Variants in PARD3B observed in about 807,000 individuals in gnomAD.
PARD3B encodes par-3 family cell polarity regulator beta, also known as partitioning defective 3 homolog B.
Under a neutral mutation model 130.2 loss-of-function variants are expected in PARD3B, and 103 were observed. That is an observed-to-expected ratio of 0.79 (90% CI 0.67 to 0.93). The LOEUF (loss-of-function observed/expected upper bound fraction) is 0.93. Ranked by LOEUF, PARD3B falls within the 40% of genes least tolerant of loss-of-function variation. PARD3B has a pLI of 0.00. For synonymous variants in PARD3B, 583 were observed against 553.2 expected (o/e 1.05, Z -0.76); for missense variants, 1,609 against 1,499.2 (o/e 1.07, Z -1.21).
At chr2:204,748,525 T>A (rs1327502020) in intron 2 of PARD3B, among the ~76,000 whole-genome samples, 1 of 152,160 alleles carries the variant, frequency 6.6e-6, no homozygotes, top group Non-Finnish European at 1.5e-5. Context: ...TATTTTTATG[T>A]CTTTTGACTA....
chr2:204,860,960 TAG>T (rs1289365475), intron 2 of PARD3B, among the ~76,000 whole-genome samples: 1 of 152,182 alleles, frequency 6.6e-6, no homozygotes, highest in African/African-American at 2.4e-5. Flanking sequence ...CACAAAAATG[TAG>T]AGTTTTCCCT....
At chr2:205,567,516 G>T (rs1414301798) in intron 22 of PARD3B, among the ~76,000 whole-genome samples, 2 of 143,148 alleles carry the variant, frequency 1.4e-5, no homozygotes, top group African/African-American at 2.6e-5. Context: ...TGGAGACAGG[G>T]TTTCACCATG....
intron 1 of PARD3B, among the ~76,000 whole-genome samples, chr2:204,575,307 A>G (rs766129672): frequency 1.7e-4 from 26 of 152,220 alleles, no homozygotes; most frequent in Non-Finnish European, 3.4e-4. Context: ...GTTGGAGTGA[A>G]CCTTTAAAAT....
Position 205,407,805 on chromosome 2 carries a change from A to C in PARD3B, c.2741+6682A>C, listed in dbSNP as rs2046460184. ...TTCAGTAAATGAAGTTTTCTCCTAAAATTGAAAAAAAAATTTTAATAACAT... is the reference window on the plus strand; with the variant it reads ...TTCAGTAAATGAAGTTTTCTCCTAACATTGAAAAAAAAATTTTAATAACAT... On this transcript the variant is annotated intron_variant, in intron 19 of 22. Coordinates refer to ENST00000406610, the MANE Select transcript of PARD3B (RefSeq NM_001302769.2). The surrounding 1 kb of genome is among the most constrained non-coding windows in gnomAD (Gnocchi z 4.1). Among the ~76,000 whole-genome samples the C allele has an allele frequency of 6.6e-6, 1 of 152,120 alleles. No individual in the cohort carries two copies. The highest frequency in any genetic ancestry group is 6.6e-5 in the Admixed American group (1 of 15,260).
chr2:204,598,550 T>C (rs1473838803), intron 1 of PARD3B, among the ~76,000 whole-genome samples: 1 of 152,090 alleles, frequency 6.6e-6, no homozygotes, highest in African/African-American at 2.4e-5. Context: ...GGGGATTAAA[T>C]GAATTAATAT....
intron 20 of PARD3B, among the ~76,000 whole-genome samples, chr2:205,493,705 T>C (rs1331950819): frequency 6.6e-6 from 1 of 150,422 alleles, no homozygotes; most frequent in Non-Finnish European, 1.5e-5. Context: ...ATAAAAGCCA[T>C]TTCTTTTCAT....
chr2:205,303,456 G>A (rs763868146), intron 18 of PARD3B, among the ~76,000 whole-genome samples: 1 of 152,100 alleles, frequency 6.6e-6, no homozygotes, highest in Non-Finnish European at 1.5e-5. Flanking sequence ...TACCCCGGCT[G>A]GTAGACTTCT....
intron 2 of PARD3B, among the ~76,000 whole-genome samples, chr2:204,858,228 T>C (rs796561315): frequency 2.0e-5 from 3 of 152,242 alleles, no homozygotes; most frequent in African/African-American, 7.2e-5. Context: ...TGGTAAAATA[T>C]CTTTAAAGTT....
At position 205,278,401 on chromosome 2, in the gene PARD3B, TG is replaced by T. The variant is rs574308995; in HGVS notation, c.2186-22122del. On this transcript the variant is annotated intron_variant, in intron 16 of 22. Transcript: ENST00000406610. ...GAGAGAACTGGACGACTGATAGGCT[TG>T]GGGGGGAGAGGGGTCCCTCATACAT... 1.7e-3 allele frequency among the ~76,000 whole-genome samples: 255 copies of T among 152,056 alleles called. 2 individuals carry two copies. The highest frequency in any genetic ancestry group is 5.7e-3 in the African/African-American group (236 of 41,462).
chr2:205,227,609 T>C (rs1480127956), intron 15 of PARD3B, among the ~76,000 whole-genome samples: 1 of 152,126 alleles, frequency 6.6e-6, no homozygotes, highest in Non-Finnish European at 1.5e-5. Flanking sequence ...CAACAGATTA[T>C]TGCATCTTTT....
chr2:204,714,772 C>A (rs371040035), intron 2 of PARD3B, among the ~76,000 whole-genome samples: 3 of 152,164 alleles, frequency 2.0e-5, no homozygotes, highest in African/African-American at 4.8e-5. Flanking sequence ...TACAAACACA[C>A]CCAGAATGAA....
intron 2 of PARD3B, among the ~76,000 whole-genome samples, chr2:204,827,063 T>C (rs987401174): frequency 1.3e-5 from 2 of 152,216 alleles, no homozygotes; most frequent in African/African-American, 4.8e-5. Flanking sequence ...GTTCTTGTTC[T>C]ACAATGTGAA....
At chr2:204,858,529 TA>T (rs2045051094) in intron 2 of PARD3B, among the ~76,000 whole-genome samples, 1 of 148,278 alleles carries the variant, frequency 6.7e-6, no homozygotes, top group Non-Finnish European at 1.5e-5. Flanking sequence ...AAATGAAATA[TA>T]TAGAGAGGAT....
chr2:204,843,846 A>G (rs1045719682), intron 2 of PARD3B, among the ~76,000 whole-genome samples: 1 of 152,058 alleles, frequency 6.6e-6, no homozygotes, highest in African/African-American at 2.4e-5. Context: ...TCATTCATAC[A>G]TGTTATTCAG....
chr2:205,279,138 T>G (rs1375008266), intron 16 of PARD3B, among the ~76,000 whole-genome samples: 1 of 148,490 alleles, frequency 6.7e-6, no homozygotes, highest in Non-Finnish European at 1.5e-5. Context: ...TATACTAAAT[T>G]TTCCCCCCAA....
rs1256104428 is a variant in PARD3B, at chr2:205,265,315, A to C, written c.2185+19493A>C. Among the ~76,000 whole-genome samples the C allele has an allele frequency of 6.6e-6, 1 of 152,052 alleles. No homozygotes were observed. Among genetic ancestry groups the C allele is most frequent in the East Asian group, 1.9e-4 (1 of 5,194 alleles). ...TTGGGGTGATACATGGAATCGATGC[A>C]CTTTCAAGTTGGCGGATCTGATCAT... On this transcript the variant is annotated intron_variant, in intron 16 of 22. Transcript: ENST00000406610. The surrounding 1 kb of genome is among the most constrained non-coding windows in gnomAD (Gnocchi z 4.3).
At chr2:205,371,530 A>T (rs537397985) in intron 18 of PARD3B, among the ~76,000 whole-genome samples, 1 of 152,302 alleles carries the variant, frequency 6.6e-6, no homozygotes, top group Admixed American at 6.5e-5. Context: ...GAGGCTGTAG[A>T]GTTTTCTGAT....
intron 2 of PARD3B, among the ~76,000 whole-genome samples, chr2:204,787,808 A>G (rs1198835910): frequency 6.6e-6 from 1 of 152,198 alleles, no homozygotes; most frequent in African/African-American, 2.4e-5. Context: ...AGGGTTGAAT[A>G]TATGGACAGT....
chr2:204,670,766 A>C (rs1325725964), intron 1 of PARD3B, among the ~76,000 whole-genome samples: 1 of 152,134 alleles, frequency 6.6e-6, no homozygotes, highest in East Asian at 1.9e-4. Context: ...TTGAGCCCAT[A>C]ACTATGGTTG....
Sources: gnomAD v4.1 joint callset for allele counts (sites outside exome capture counted in the v4.1 genomes callset) on GRCh38, gnomAD v4.1.1 for gene constraint, Gnocchi (gnomAD v3.1) non-coding constraint, MANE v1.5 for transcripts, NCBI Gene and HGNC (gene_info 2026-07-23, HGNC 2026-07-21) for gene names.